STAG1: variants seen among roughly 807,000 people sequenced by gnomAD.
The protein encoded by STAG1 is cohesin subunit SA-1.
In STAG1, 26 loss-of-function variants were observed where a neutral mutation model predicts 170.9. That is an observed-to-expected ratio of 0.15 (90% CI 0.11 to 0.21). The LOEUF is 0.21. Among genes scored for constraint, STAG1 ranks in the 10% least tolerant of loss-of-function variants. The probability of loss-of-function intolerance (pLI) is 1.00; values close to 1 mark genes in which losing one functional copy is unlikely to be tolerated. For synonymous variants in STAG1, 514 were observed against 497.7 expected, an observed-to-expected ratio of 1.03 and a Z score of -0.44; for missense variants, 964 against 1,509.5, an observed-to-expected ratio of 0.64 and a Z score of 5.99.
chr3:136,614,842 G>A (rs1449012455), intron 3 of STAG1, among the ~76,000 whole-genome samples: 1 of 151,800 alleles, frequency 6.6e-6, no homozygotes, highest in Non-Finnish European at 1.5e-5. Context: ...GGCATAATGA[G>A]CTGTGAATGT....
intron 9 of STAG1, among the ~76,000 whole-genome samples, chr3:136,493,298 G>C (rs2090156200): frequency 6.6e-6 from 1 of 152,046 alleles, no homozygotes; most frequent in South Asian, 2.1e-4. Context: ...AGCTGTGATT[G>C]TGCAACTGCA....
chr3:136,549,011 G>A (rs1936274035), intron 5 of STAG1, among the ~76,000 whole-genome samples: 1 of 152,060 alleles, frequency 6.6e-6, no homozygotes, highest in South Asian at 2.1e-4. Flanking sequence ...GGCCTTCCTA[G>A]CCACGCTTCC....
chr3:136,526,310 T>TAACA (rs1264383268), intron 6 of STAG1, among the ~76,000 whole-genome samples: 3 of 152,232 alleles, frequency 2.0e-5, no homozygotes, highest in Non-Finnish European at 1.5e-5. Flanking sequence ...TTAGGATAGT[T>TAACA]AGCTCTTCTT....
intron 1 of STAG1, among the ~76,000 whole-genome samples, chr3:136,747,120 A>AAAAAAT: frequency 7.1e-6 from 1 of 140,318 alleles, no homozygotes; most frequent in African/African-American, 2.6e-5. Flanking sequence ...AAAAAAAAAA[A>AAAAAAT]AAATTAGCCG....
At chr3:136,338,311 T>C (rs773795522) in intron 33 of STAG1, 34 bp from the exon 34 acceptor site, 2 of 1,594,022 alleles carry the variant, frequency 1.3e-6, no homozygotes, top group East Asian at 2.2e-5. Flanking sequence ...ATTATTAATT[T>C]CATGCATAAA....
At chr3:136,675,198 G>T (rs553387726) in intron 1 of STAG1, among the ~76,000 whole-genome samples, 12 of 152,292 alleles carry the variant, frequency 7.9e-5, no homozygotes, top group African/African-American at 2.6e-4. Context: ...CTTGTCCCCA[G>T]TCAACTTCCA....
intron 9 of STAG1, among the ~76,000 whole-genome samples, chr3:136,478,937 G>A (rs992143136): frequency 2.0e-5 from 3 of 151,734 alleles, no homozygotes; most frequent in African/African-American, 4.8e-5. Flanking sequence ...CTAAAATAGT[G>A]GTAATAATAC....
intron 6 of STAG1, among the ~76,000 whole-genome samples, chr3:136,528,391 G>T (rs888174894): frequency 1.3e-5 from 2 of 151,772 alleles, no homozygotes; most frequent in South Asian, 4.2e-4. Context: ...GGCGCTATAA[G>T]AGATGTGCAG....
chr3:136,472,272 A>C (rs2089646376), intron 12 of STAG1, 141 bp downstream of exon 12: 2 of 494,040 alleles, frequency 4.0e-6, no homozygotes, highest in Non-Finnish European at 7.0e-6. Context: ...AACACTTTTT[A>C]AATCTAACGT....
chr3:136,609,763 C>T (rs543226174), intron 3 of STAG1, among the ~76,000 whole-genome samples: 139 of 152,114 alleles, frequency 9.1e-4, no homozygotes, highest in African/African-American at 3.2e-3. Context: ...AGTGTAAATG[C>T]TTTTTGTTTT....
chr3:136,677,335 T>C (rs1015692415), intron 1 of STAG1, among the ~76,000 whole-genome samples: 3 of 152,158 alleles, frequency 2.0e-5, no homozygotes, highest in African/African-American at 4.8e-5. Flanking sequence ...ACTAAAATAT[T>C]ACTAGGCCAT....
chr3:136,579,193 CCTCA>C (rs1184274439), intron 4 of STAG1, among the ~76,000 whole-genome samples: 1 of 152,182 alleles, frequency 6.6e-6, no homozygotes, highest in Admixed American at 6.5e-5. Flanking sequence ...CAGCTACTGA[CCTCA>C]CTAACTCCTT....
intron 26 of STAG1, among the ~76,000 whole-genome samples, 167 bp from the exon 27 acceptor site, chr3:136,359,463 T>C (rs983332880): frequency 1.3e-5 from 2 of 152,208 alleles, no homozygotes; most frequent in Admixed American, 1.3e-4. Context: ...CTATTATTAA[T>C]AGCTTGAGTT....
intron 4 of STAG1, among the ~76,000 whole-genome samples, chr3:136,598,862 A>T (rs1026836197): frequency 1.3e-5 from 2 of 152,204 alleles, no homozygotes; most frequent in Non-Finnish European, 2.9e-5. Flanking sequence ...CCTTGATGAA[A>T]TCTTTCAAAA....
intron 18 of STAG1, 25 bp from the exon 19 acceptor site, chr3:136,422,638 T>C (rs1403153950): frequency 6.3e-7 from 1 of 1,595,742 alleles, no homozygotes; most frequent in African/African-American, 1.4e-5. Context: ...AAAGAAAAAC[T>C]GTAATATTTA....
At chr3:136,584,078 A>G (rs552707248) in intron 4 of STAG1, among the ~76,000 whole-genome samples, 3 of 152,236 alleles carry the variant, frequency 2.0e-5, no homozygotes, top group Non-Finnish European at 4.4e-5. Context: ...CTAAGCCAAT[A>G]AAACTTTTTA....
chr3:136,451,169 TAA>T lies in STAG1; in HGVS notation c.1428+862_1428+863del, dbSNP rs66694432. On this transcript the variant is annotated intron_variant, in intron 14 of 33. Coordinates refer to ENST00000383202, the MANE Select transcript of STAG1 (RefSeq NM_005862.3). ...GTAGGAAATACAGATTACAATATAT[TAA>T]AAAAAAAAAAACCCACACCATTTTG... is the stretch of plus-strand genomic sequence containing the variant. 1.9e-3 allele frequency among the ~76,000 whole-genome samples: 272 copies of T among 143,194 alleles called. 3 individuals are homozygous for T. Among genetic ancestry groups the T allele is most frequent in the African/African-American group, 6.7e-3 (261 of 39,032 alleles). 93.9% of individuals were successfully genotyped at this position (143,194 alleles called of 152,430 possible).
At chr3:136,370,511 T>TC (rs1413826900) in intron 23 of STAG1, among the ~76,000 whole-genome samples, 2 of 151,890 alleles carry the variant, frequency 1.3e-5, no homozygotes, top group Non-Finnish European at 2.9e-5. Flanking sequence ...CCCTCACCAC[T>TC]CCCCCCACCC....
chr3:136,539,767 T>C (rs563001342), intron 6 of STAG1, among the ~76,000 whole-genome samples: 11 of 152,216 alleles, frequency 7.2e-5, no homozygotes, highest in South Asian at 4.1e-4. Flanking sequence ...TGCAGGTTTA[T>C]AGGTATTTTA....
Sources: allele counts gnomAD v4.1 joint callset (sites outside exome capture counted in the v4.1 genomes callset), GRCh38; gene constraint gnomAD v4.1.1; transcripts MANE v1.5; gene names NCBI Gene and HGNC (gene_info 2026-07-23, HGNC 2026-07-21).